The following ZFPM2 variants were observed in gnomAD, a reference collection of about 807,000 sequenced individuals.
The protein encoded by ZFPM2 is zinc finger protein ZFPM2.
Under a neutral mutation model 98.6 loss-of-function variants are expected in ZFPM2, and 20 were observed. That is an observed-to-expected ratio of 0.20 (90% confidence interval 0.14 to 0.29). The LOEUF (loss-of-function observed/expected upper bound fraction) is 0.29. ZFPM2 is among the 10% of genes least tolerant of loss of function. ZFPM2 has a pLI of 1.00. For synonymous variants in ZFPM2, 518 were observed against 502.7 expected (o/e 1.03, Z -0.41); for missense variants, 1,310 against 1,388.6 (o/e 0.94, Z 0.90).
chr8:105,648,937 G>A (rs1285879714), intron 5 of ZFPM2, among the ~76,000 whole-genome samples: 1 of 152,052 alleles, frequency 6.6e-6, no homozygotes. Context: ...AGCTTGATGG[G>A]GATGGCATTC....
intron 5 of ZFPM2, chr8:105,782,603 A>G (rs1740143329): frequency 6.6e-6 from 1 of 152,206 alleles, no homozygotes; most frequent in South Asian, 2.1e-4. Flanking sequence ...ATCTTCCTCA[A>G]ACACCAAAAT....
chr8:105,563,894 G>C (rs1300011849), intron 4 of ZFPM2, among the ~76,000 whole-genome samples: 6 of 152,008 alleles, frequency 3.9e-5, no homozygotes, highest in Non-Finnish European at 5.9e-5. Context: ...CATGCAAGAT[G>C]AACATTTTCC....
Position 105,582,115 on chromosome 8 carries a change from T to C in ZFPM2, c.420+20634T>C, listed in dbSNP as rs148748120. 5.3e-5 allele frequency among the ~76,000 whole-genome samples: 8 copies of C among 152,352 alleles called. No individual in the cohort carries two copies. In the East Asian group the frequency reaches 1.5e-3, roughly 29 times the overall value. On this transcript the variant is annotated intron_variant, in intron 4 of 7. Transcript: ENST00000407775. ...ATGAGATTGTACAACTTTATCTTTC[T>C]ACTACTTTATGCTCAAAAGCACAGA...
chr8:105,463,391 AGTGTGTGTGTAT>A (rs1347628537), intron 3 of ZFPM2, among the ~76,000 whole-genome samples: 6 of 151,566 alleles, frequency 4.0e-5, no homozygotes, highest in Non-Finnish European at 7.4e-5. Context: ...AGTTTTCTAT[AGTGTGTGTGTAT>A]GTGTGTGTGT....
intron 1 of ZFPM2, among the ~76,000 whole-genome samples, chr8:105,344,827 T>A (rs549372059): frequency 6.6e-6 from 1 of 152,156 alleles, no homozygotes; most frequent in East Asian, 1.9e-4. Flanking sequence ...AGTTTTATTA[T>A]GAATTCAATG....
intron 5 of ZFPM2, among the ~76,000 whole-genome samples, chr8:105,705,423 T>C (rs1341857887): frequency 6.6e-6 from 1 of 152,168 alleles, no homozygotes; most frequent in Non-Finnish European, 1.5e-5. Context: ...AATAAATCCA[T>C]CATTTTTTCT....
intron 5 of ZFPM2, among the ~76,000 whole-genome samples, chr8:105,690,428 G>A (rs1304484336): frequency 6.6e-5 from 10 of 152,096 alleles, no homozygotes; most frequent in East Asian, 1.9e-4. Context: ...GAAAACTACC[G>A]TAAGCTACAC....
chr8:105,647,701 A>G (rs1817078037), intron 5 of ZFPM2, among the ~76,000 whole-genome samples: 1 of 152,192 alleles, frequency 6.6e-6, no homozygotes, highest in South Asian at 2.1e-4. Context: ...CACAAAGGAC[A>G]TGAACTCATC....
intron 5 of ZFPM2, among the ~76,000 whole-genome samples, chr8:105,746,621 TGTTTTCTTGC>T (rs947020151): frequency 2.6e-5 from 4 of 151,822 alleles, no homozygotes; most frequent in Admixed American, 6.6e-5. Context: ...GGGAGAGTTT[TGTTTTCTTGC>T]GTTTTCTTGT....
At chr8:105,606,979 A>G (rs1251828904) in intron 4 of ZFPM2, among the ~76,000 whole-genome samples, 2 of 152,138 alleles carry the variant, frequency 1.3e-5, no homozygotes, top group African/African-American at 2.4e-5. Flanking sequence ...ATCCTCAGCT[A>G]TGCTGTCCTT....
chr8:105,790,144 A>T (rs1244746789), intron 6 of ZFPM2, among the ~76,000 whole-genome samples: 4 of 151,354 alleles, frequency 2.6e-5, no homozygotes, highest in African/African-American at 9.7e-5. Flanking sequence ...GGTGTTTTAG[A>T]CATGAAGTCC....
At chr8:105,556,785 C>T (rs1430916132) in intron 3 of ZFPM2, among the ~76,000 whole-genome samples, 6 of 144,272 alleles carry the variant, frequency 4.2e-5, no homozygotes, top group East Asian at 4.4e-4. Context: ...TGCAGTGGTG[C>T]GATCTTGGCT....
At chr8:105,508,806 T>TC (rs943275531) in intron 3 of ZFPM2, among the ~76,000 whole-genome samples, 1 of 151,728 alleles carries the variant, frequency 6.6e-6, no homozygotes, top group African/African-American at 2.4e-5. Flanking sequence ...CAGATTTTTT[T>TC]TTTTCCCCCT....
chr8:105,483,855 T>C (rs1181689286), intron 3 of ZFPM2, among the ~76,000 whole-genome samples: 1 of 150,968 alleles, frequency 6.6e-6, no homozygotes, highest in Non-Finnish European at 1.5e-5. Flanking sequence ...TGCCTCAGCC[T>C]CCCGAGTAGC....
intron 1 of ZFPM2, among the ~76,000 whole-genome samples, chr8:105,376,427 T>C (rs963597534): frequency 6.6e-6 from 1 of 152,224 alleles, no homozygotes; most frequent in African/African-American, 2.4e-5. Context: ...CTTCTGTCTC[T>C]GAAAGGCTTT....
rs1361563666 is a variant in ZFPM2 at position 105,330,581 on chromosome 8, C to T, written c.40+11600C>T. 1.5e-3 allele frequency among the ~76,000 whole-genome samples: 132 copies of T among 86,292 alleles called. 2 individuals are homozygous for T. Among genetic ancestry groups the T allele is most frequent in the African/African-American group, 4.1e-3 (86 of 20,958 alleles). 56.6% of individuals were successfully genotyped at this position (86,292 alleles called of 152,430 possible). A position where few individuals can be genotyped will look rare whatever the true frequency, so the allele number is the denominator to read the frequency against. On this transcript the variant is annotated intron_variant, in intron 1 of 7. Coordinates refer to ENST00000407775, the MANE Select transcript of ZFPM2 (RefSeq NM_012082.4). ...ATATATATATATACATATATATATACATATATATATATACATATATATATA... is the reference window on the plus strand; with the variant it reads ...ATATATATATATACATATATATATATATATATATATATACATATATATATA...
chr8:105,663,933 C>T (rs1354542315), intron 5 of ZFPM2, among the ~76,000 whole-genome samples: 1 of 152,064 alleles, frequency 6.6e-6, no homozygotes, highest in Non-Finnish European at 1.5e-5. Flanking sequence ...AAGTAAACAC[C>T]CCCACTTGAA....
chr8:105,499,559 A>C (rs984146637), intron 3 of ZFPM2, among the ~76,000 whole-genome samples: 7 of 152,216 alleles, frequency 4.6e-5, no homozygotes, highest in African/African-American at 1.7e-4. Context: ...GGAAATTCTA[A>C]GGTTTTAATG....
chr8:105,494,207 A>ATG (rs1813414870), intron 3 of ZFPM2, among the ~76,000 whole-genome samples: 1 of 135,474 alleles, frequency 7.4e-6, no homozygotes, highest in Non-Finnish European at 1.6e-5. Context: ...ATATATATAT[A>ATG]TATATATATA....
Sources: gnomAD v4.1 joint callset for allele counts (sites outside exome capture counted in the v4.1 genomes callset) on GRCh38, gnomAD v4.1.1 for gene constraint, MANE v1.5 for transcripts, NCBI Gene and HGNC (gene_info 2026-07-23, HGNC 2026-07-21) for gene names.